AGTPBP1: variants seen among roughly 807,000 people sequenced by gnomAD.
AGTPBP1 encodes ATP/GTP binding carboxypeptidase 1.
In AGTPBP1, 70 loss-of-function variants were observed where a neutral mutation model predicts 143.9. That is an observed-to-expected ratio of 0.49 (90% CI 0.40 to 0.59). AGTPBP1 has a LOEUF of 0.59. Among genes scored for constraint, AGTPBP1 ranks in the 20% least tolerant of loss-of-function variants. AGTPBP1 has a pLI of 0.00. For missense variants in AGTPBP1, 1,229 were observed against 1,464.5 expected (o/e 0.84, Z 2.62); for synonymous variants, 463 against 500.2 (o/e 0.93, Z 0.99).
In AGTPBP1 at chr9:85,607,632, C is replaced by G. The variant is rs1341315149; in HGVS notation, c.2336-11183G>C. On this transcript the variant is annotated intron_variant, in intron 17 of 25. Transcript: ENST00000357081. Reference sequence around the variant, plus strand: ...ATCAAAATATTAAATTGCCAGAGTGCCAATGGCACTAGCCCCTAATAATAT... The same window carrying G: ...ATCAAAATATTAAATTGCCAGAGTGGCAATGGCACTAGCCCCTAATAATAT... 7.2e-5 allele frequency among the ~76,000 whole-genome samples: 11 copies of G among 152,082 alleles called. No homozygotes were observed. In the East Asian group the frequency reaches 2.1e-3, roughly 29 times the overall value.
chr9:85,605,282 TG>T (rs1829924182), intron 17 of AGTPBP1, among the ~76,000 whole-genome samples: 1 of 152,112 alleles, frequency 6.6e-6, no homozygotes, highest in Non-Finnish European at 1.5e-5. Flanking sequence ...CCAATATATC[TG>T]GTAGCAGACT....
intron 17 of AGTPBP1, among the ~76,000 whole-genome samples, chr9:85,607,539 G>C (rs995673676): frequency 6.6e-6 from 1 of 152,052 alleles, no homozygotes; most frequent in African/African-American, 2.4e-5. Flanking sequence ...ATTAGTGAAA[G>C]GATAAACCTT....
chr9:85,785,399 T>C, the AGTPBP1 span, among the ~76,000 whole-genome samples: 1 of 152,174 alleles, frequency 6.6e-6, no homozygotes, highest in African/African-American at 2.4e-5. Context: ...TGCATCAATA[T>C]GTTGAAGTTA....
chr9:85,625,913 T>TTG (rs1172236177), intron 14 of AGTPBP1, among the ~76,000 whole-genome samples: 5 of 148,816 alleles, frequency 3.4e-5, no homozygotes, highest in African/African-American at 4.9e-5. Flanking sequence ...TGTTTTTTTT[T>TTG]TTTTTTTTTT....
At chr9:85,803,765 C>T in the AGTPBP1 span, among the ~76,000 whole-genome samples, 2,199 of 152,264 alleles carry the variant, frequency 0.014, 53 homozygotes, top group African/African-American at 0.049. Context: ...TGTCCATGTC[C>T]GTCTGGCTGT....
the AGTPBP1 span, among the ~76,000 whole-genome samples, chr9:85,776,341 T>C: frequency 6.6e-6 from 1 of 152,258 alleles, no homozygotes; most frequent in Non-Finnish European, 1.5e-5. Flanking sequence ...ATAGCTGGTA[T>C]TGATGACCAC....
intron 3 of AGTPBP1, among the ~76,000 whole-genome samples, chr9:85,689,898 CAAAAAAA>C (rs1156931410): frequency 1.8e-3 from 52 of 28,324 alleles, no homozygotes; most frequent in African/African-American, 6.1e-3. Context: ...GACTCTGCCT[CAAAAAAA>C]AAAAAAAAAA....
At chr9:85,669,821 T>C (rs1486840731) in intron 7 of AGTPBP1, among the ~76,000 whole-genome samples, 2 of 149,004 alleles carry the variant, frequency 1.3e-5, no homozygotes, top group Non-Finnish European at 3.0e-5. Flanking sequence ...ACCACTATTA[T>C]AAAAAAAATT....
At chr9:85,746,022 A>G (rs1324177103), upstream of AGTPBP1, among the ~76,000 whole-genome samples, 2 of 152,162 alleles carry the variant, frequency 1.3e-5, no homozygotes, top group Non-Finnish European at 2.9e-5. Flanking sequence ...TTTGTCAGCC[A>G]CGTTTACAGT....
intron 1 of AGTPBP1, among the ~76,000 whole-genome samples, chr9:85,722,257 A>G (rs1174125972): frequency 6.6e-6 from 1 of 152,150 alleles, no homozygotes; most frequent in African/African-American, 2.4e-5. Context: ...TAATATCCTG[A>G]AGATTGTTTT....
chr9:85,677,430 C>T lies in AGTPBP1; in HGVS notation c.436+6G>A, dbSNP rs1422840259. On this transcript the variant is annotated splice_donor_region_variant and intron_variant, in intron 6 of 25. Coordinates refer to ENST00000357081, the MANE Select transcript of AGTPBP1 (RefSeq NM_001330701.2). ...ATACAATAATCATACAAATGAAATC[C>T]CTTACCTTTTGGTCCAATCTTTGCA... 1 of 1,603,960 alleles carries T rather than the reference C, an allele frequency of 6.2e-7. No individual in the cohort carries two copies. Among genetic ancestry groups the T allele is most frequent in the Admixed American group, 1.7e-5 (1 of 58,484 alleles).
At chr9:85,574,784 C>T (rs1827790547) in intron 25 of AGTPBP1, among the ~76,000 whole-genome samples, 1 of 151,314 alleles carries the variant, frequency 6.6e-6, no homozygotes, top group African/African-American at 2.4e-5. Context: ...TCTTGGCTTG[C>T]TGCAACCTCC....
At chr9:85,590,403 T>C (rs909204503) in intron 19 of AGTPBP1, among the ~76,000 whole-genome samples, 1 of 152,214 alleles carries the variant, frequency 6.6e-6, no homozygotes, top group African/African-American at 2.4e-5. Context: ...TCATTAAATA[T>C]GTTAAATGTG....
At chr9:85,557,211 C>G (rs1489507400) in intron 25 of AGTPBP1, among the ~76,000 whole-genome samples, 2 of 152,120 alleles carry the variant, frequency 1.3e-5, no homozygotes, top group African/African-American at 2.4e-5. Context: ...TAATTTGATA[C>G]CTATCTACAT....
At chr9:85,712,085 G>A (rs1234103119) in intron 2 of AGTPBP1, among the ~76,000 whole-genome samples, 1 of 152,056 alleles carries the variant, frequency 6.6e-6, no homozygotes, top group Non-Finnish European at 1.5e-5. Flanking sequence ...ACAACATAGT[G>A]AAACCCCGTC....
intron 8 of AGTPBP1, among the ~76,000 whole-genome samples, chr9:85,665,904 G>A (rs1306628459): frequency 6.6e-6 from 1 of 152,092 alleles, no homozygotes; most frequent in Non-Finnish European, 1.5e-5. Context: ...TTACCACAAA[G>A]AAATTTCTGA....
At chr9:85,550,141 G>A (rs1280873759) in intron 25 of AGTPBP1, among the ~76,000 whole-genome samples, 1 of 151,900 alleles carries the variant, frequency 6.6e-6, no homozygotes, top group Non-Finnish European at 1.5e-5. Context: ...TAAGTTAGCG[G>A]TGCAAAGAGG....
intron 14 of AGTPBP1, among the ~76,000 whole-genome samples, chr9:85,630,478 GATT>G (rs1427122500): frequency 2.1e-5 from 3 of 146,272 alleles, no homozygotes; most frequent in Non-Finnish European, 4.6e-5. Flanking sequence ...TTGATTGATT[GATT>G]GATTGATTGA....
At chr9:85,600,999 C>T (rs569247240) in intron 17 of AGTPBP1, among the ~76,000 whole-genome samples, 1 of 152,200 alleles carries the variant, frequency 6.6e-6, no homozygotes, top group Admixed American at 6.5e-5. Flanking sequence ...ATTGCTGTCA[C>T]TGGGGCCAAA....
Sources: allele counts gnomAD v4.1 joint callset (sites outside exome capture counted in the v4.1 genomes callset), GRCh38; gene constraint gnomAD v4.1.1; transcripts MANE v1.5; gene names NCBI Gene and HGNC (gene_info 2026-07-23, HGNC 2026-07-21).